Variants in COL1A2 observed in about 807,000 individuals in gnomAD.
COL1A2 encodes collagen alpha-2(I) chain.
A neutral mutation model predicts 174.3 loss-of-function variants in COL1A2; 49 were observed. The ratio of observed to expected loss-of-function variants is 0.28; its 90% confidence interval spans 0.22 to 0.36. COL1A2 has a LOEUF of 0.36. Among genes scored for constraint, COL1A2 ranks in the 10% least tolerant of loss-of-function variants. COL1A2 has a pLI of 1.00. For missense variants in COL1A2, 1,438 were observed against 1,822.7 expected (o/e 0.79, Z 3.84); for synonymous variants, 655 against 606.6 (o/e 1.08, Z -1.17).
intron 12 of COL1A2, among the ~76,000 whole-genome samples, chr7:94,406,866 G>C (rs1272207488): frequency 6.6e-6 from 1 of 152,162 alleles, no homozygotes; most frequent in Non-Finnish European, 1.5e-5. Flanking sequence ...AGGAGATAAT[G>C]TGATATTAAA....
intron 32 of COL1A2, 133 bp from the exon 33 acceptor site, chr7:94,418,366 G>A (rs1453663730): frequency 7.0e-6 from 5 of 714,948 alleles, no homozygotes; most frequent in South Asian, 3.2e-5. Context: ...GTAAGGAATC[G>A]AGACATTGCT....
Position 94,424,911 on chromosome 7 carries a change from C to T in COL1A2, c.2674-206C>T, listed in dbSNP as rs2072071. 0.058 allele frequency: 34,828 copies of T among 600,666 alleles called. 3,270 individuals carry two copies. Among genetic ancestry groups the T allele is most frequent in the East Asian group, 0.36 (12,199 of 34,342 alleles). 37.2% of individuals were successfully genotyped at this position (600,666 alleles called of 1,614,324 possible). A position where few individuals can be genotyped will look rare whatever the true frequency, so the allele number is the denominator to read the frequency against. On this transcript the variant is annotated intron_variant, in intron 41 of 51. Transcript: ENST00000297268. ...GCTCACTTTTTACAGAGCAACATCC[C>T]GTGATTACATAAAGCTGGCCATCTA... is the stretch of plus-strand genomic sequence containing the variant.
At position 94,419,088 on chromosome 7, in the gene COL1A2, G is replaced by A. The variant is rs370762456; in HGVS notation, c.2026-410G>A. On this transcript the variant is annotated intron_variant, in intron 33 of 51. Transcript: ENST00000297268. ...CTCATGGGTCTTCTAGGCCACAGTC[G>A]GCCTGGATTCCTTTATTCACCTCTC... Among the ~76,000 whole-genome samples the A allele has an allele frequency of 1.6e-4, 23 of 147,896 alleles. No homozygotes were observed. The East Asian group carries it at 2.2e-3, about 14-fold the overall frequency.
intron 30 of COL1A2, 34 bp downstream of exon 30, chr7:94,415,304 G>A: frequency 6.2e-7 from 1 of 1,604,426 alleles, no homozygotes; most frequent in Non-Finnish European, 8.5e-7. Flanking sequence ...CATAAACTCT[G>A]GCAATGTGTT....
In COL1A2 at chr7:94,394,963, C is replaced by A; in HGVS notation, c.-69C>A. The A allele has an allele frequency of 7.0e-7, 1 of 1,423,308 alleles. No individual in the cohort carries two copies. The highest frequency in any genetic ancestry group is 2.3e-5 in the East Asian group (1 of 44,020). 88.2% of individuals were successfully genotyped at this position (1,423,308 alleles called of 1,614,324 possible). On this transcript the variant is annotated 5_prime_UTR_variant, in exon 1 of 52. Transcript: ENST00000297268. ...GCCACGACTGCATGCCCGCGCCCGCCAGGTGATACCTCCGCCGGTGACCCA... is the reference window on the plus strand; with the variant it reads ...GCCACGACTGCATGCCCGCGCCCGCAAGGTGATACCTCCGCCGGTGACCCA...
In COL1A2 at chr7:94,395,045, T is replaced by A; in HGVS notation, c.14T>A (p.Val5Glu). Reference sequence around the variant, plus strand: ...TAAGTGCTAGACATGCTCAGCTTTGTGGATACGCGGACTTTGTTGCTGCTT... The same window carrying A: ...TAAGTGCTAGACATGCTCAGCTTTGAGGATACGCGGACTTTGTTGCTGCTT... MLSFVDTRTLLLLAV... is the reference protein window; with the variant it reads MLSFEDTRTLLLLAV... Residue 5 changes from valine to glutamate, a missense_variant, in exon 1 of 52, where the codon GTG becomes GAG. Transcript: ENST00000297268. The A allele has an allele frequency of 6.2e-7, 1 of 1,613,928 alleles. No individual in the cohort carries two copies. Among genetic ancestry groups the A allele is most frequent in the Middle Eastern group, 1.7e-4 (1 of 5,886 alleles).
intron 27 of COL1A2, 44 bp from the exon 28 acceptor site, chr7:94,413,850 G>A: frequency 6.2e-7 from 1 of 1,611,650 alleles, no homozygotes; most frequent in Non-Finnish European, 8.5e-7. Flanking sequence ...GACAACAGTG[G>A]TGACATACGT....
Position 94,417,829 on chromosome 7 carries a change from A to C in COL1A2, c.1969A>C (p.Lys657Gln). The change falls in exon 32 of 52, where the codon AAG (lysine) becomes CAG (glutamine). Residue 657 changes from lysine to glutamine, a missense_variant and splice_region_variant. Transcript: ENST00000297268. ...AAGIPGGKGE[K>Q]GEPGLRGEIG... ...TGGCATACCTGGAGGCAAGGGAGAA[A>C]AGGTACGTGTTGACCCCTATTACAT... 1 of 1,593,452 alleles carries C rather than the reference A, an allele frequency of 6.3e-7. No homozygotes were observed. The highest frequency in any genetic ancestry group is 8.6e-7 in the Non-Finnish European group (1 of 1,169,118).
At chr7:94,422,067 T>C (rs1341899130) in intron 39 of COL1A2, 115 bp downstream of exon 39, 3 of 804,642 alleles carry the variant, frequency 3.7e-6, no homozygotes, top group Non-Finnish European at 6.1e-6. Flanking sequence ...TCGCTATTAC[T>C]CTCCTGGTCT....
intron 15 of COL1A2, 87 bp from the exon 16 acceptor site, chr7:94,408,683 T>C (rs1335468014): frequency 4.2e-6 from 6 of 1,426,352 alleles, no homozygotes; most frequent in Non-Finnish European, 4.9e-6. Context: ...GTCATGCCAC[T>C]GTAAGCAACT....
Position 94,404,720 on chromosome 7 carries a change from G to A in COL1A2, c.352G>A (p.Gly118Ser), listed in dbSNP as rs1206507983. The change falls in exon 8 of 52, where the codon GGT (glycine) becomes AGT (serine). Residue 118 changes from glycine to serine, a missense_variant. Transcript: ENST00000297268. Reference sequence around the variant, plus strand: ...CCCTCAAGGTTTCCAAGGACCTGCTGGTGAGCCTGGTGAACCTGGTCAAAC... The same window carrying A: ...CCCTCAAGGTTTCCAAGGACCTGCTAGTGAGCCTGGTGAACCTGGTCAAAC... ...PGPQGFQGPA[G>S]EPGEPGQTGP... 6.2e-7 allele frequency: 1 copy of A among 1,614,134 alleles called. No homozygotes were observed. Among genetic ancestry groups the A allele is most frequent in the Non-Finnish European group, 8.5e-7 (1 of 1,180,006 alleles).
intron 11 of COL1A2, 104 bp from the exon 12 acceptor site, chr7:94,406,146 C>T: frequency 8.2e-7 from 1 of 1,214,490 alleles, no homozygotes. Flanking sequence ...CTGCAGCAGA[C>T]AAGACTTACC....
intron 40 of COL1A2, 74 bp downstream of exon 40, chr7:94,423,192 GT>G: frequency 1.9e-6 from 3 of 1,559,140 alleles, no homozygotes; most frequent in Non-Finnish European, 2.6e-6. Flanking sequence ...AAATCTTCAA[GT>G]GGCATCTATT....
intron 45 of COL1A2, 76 bp downstream of exon 45, chr7:94,426,127 A>G (rs1792273434): frequency 8.3e-6 from 11 of 1,331,096 alleles, no homozygotes; most frequent in Non-Finnish European, 1.2e-5. Flanking sequence ...TTAAGAAAAT[A>G]AACAATATAT....
chr7:94,407,394 T>C (rs1000610910), intron 12 of COL1A2, among the ~76,000 whole-genome samples: 4 of 152,110 alleles, frequency 2.6e-5, no homozygotes, highest in African/African-American at 7.2e-5. Flanking sequence ...AGAATATAGA[T>C]TGGAAATAAA....
chr7:94,424,466 A>G, intron 41 of COL1A2, 23 bp downstream of exon 41: 1 of 1,595,992 alleles, frequency 6.3e-7, no homozygotes, highest in South Asian at 1.1e-5. Flanking sequence ...CAGTATTCTG[A>G]CTCCATTAAC....
chr7:94,430,253 A>T lies in COL1A2; in HGVS notation c.3961A>T (p.Thr1321Ser). 6.2e-7 allele frequency: 1 copy of T among 1,613,944 alleles called. No individual in the cohort carries two copies. Among genetic ancestry groups the T allele is most frequent in the Non-Finnish European group, 8.5e-7 (1 of 1,179,838 alleles). Residue 1321 changes from threonine to serine, a missense_variant, in exon 52 of 52, where the codon ACA (threonine) becomes TCA (serine). By Grantham distance (58) the Thr-to-Ser change is moderately conservative. Coordinates refer to ENST00000297268, the MANE Select transcript of COL1A2 (RefSeq NM_000089.4). ...TTTTCTTCTCTTTAAACAGAAAAAG[A>T]CAAATGAATGGGGAAAGACAATCAT... Reference protein sequence around the residue: ...TVLVDGCSKKTNEWGKTIIEY... With the variant: ...TVLVDGCSKKSNEWGKTIIEY...
rs144041957 is a variant in COL1A2 at position 94,422,837 on chromosome 7, G to T, written c.2404-120G>T. 8.4e-6 allele frequency: 10 copies of T among 1,194,478 alleles called. No individual in the cohort carries two copies. The African/African-American group carries it at 1.2e-4, about 14-fold the overall frequency. 74.0% of individuals were successfully genotyped at this position (1,194,478 alleles called of 1,614,324 possible). On this transcript the variant is annotated intron_variant, in intron 39 of 51. Coordinates refer to ENST00000297268, the MANE Select transcript of COL1A2 (RefSeq NM_000089.4). ...AAACTATAAATATTTCCCCCAAATG[G>T]CCAGGGTATTATTTTATTGCATCAC...
Position 94,407,828 on chromosome 7 carries a change from T to G in COL1A2, c.595-19T>G. On this transcript the variant is annotated intron_variant, in intron 12 of 51. Transcript: ENST00000297268. ...ATTGTTATATTTAATGAACAAAAACTCAATCCTTCTCCATGTAGGGTGAAC... is the reference window on the plus strand; with the variant it reads ...ATTGTTATATTTAATGAACAAAAACGCAATCCTTCTCCATGTAGGGTGAAC... 1 of 1,612,926 alleles carries G rather than the reference T, an allele frequency of 6.2e-7. No homozygotes were observed. The highest frequency in any genetic ancestry group is 1.3e-5 in the African/African-American group (1 of 75,040).
Sources: allele counts gnomAD v4.1 joint callset (sites outside exome capture counted in the v4.1 genomes callset), GRCh38; gene constraint gnomAD v4.1.1; transcripts MANE v1.5; gene names NCBI Gene and HGNC (gene_info 2026-07-23, HGNC 2026-07-21).